Variants in GDA observed in about 807,000 individuals in gnomAD.
GDA encodes cytoplasmic PSD-95 interactor.
In GDA, 18 loss-of-function variants were observed where a neutral mutation model predicts 59.6. That is an observed-to-expected ratio of 0.30 (90% CI 0.21 to 0.45). The LOEUF is 0.45. GDA is among the 20% of genes least tolerant of loss of function. The pLI is 1.00. For missense variants in GDA, 427 were observed against 552.3 expected (o/e 0.77, Z 2.27); for synonymous variants, 201 against 201.1 (o/e 1.00, Z 0.00).
chr9:72,116,543 C>T (rs969692498), intron 1 of GDA, among the ~76,000 whole-genome samples: 1 of 151,836 alleles, frequency 6.6e-6, no homozygotes, highest in Non-Finnish European at 1.5e-5. Flanking sequence ...CCACCATGCC[C>T]AGCTAATTTT....
intron 1 of GDA, among the ~76,000 whole-genome samples, chr9:72,165,014 C>G (rs1166052845): frequency 1.3e-5 from 2 of 150,578 alleles, no homozygotes; most frequent in African/African-American, 4.9e-5. Flanking sequence ...AATGCTCTGG[C>G]TGTCCTCTGG....
chr9:72,167,486 T>C lies in GDA; in HGVS notation c.123+17804T>C, dbSNP rs1587442343. The stretch of plus-strand genomic sequence containing the variant: ...AGCATACATTTAAGAAATAAAGGAT[T>C]CCTTGAATTGTTATCAGTTGAAATG... On this transcript the variant is annotated intron_variant, in intron 1 of 13. Transcript: ENST00000358399. Among the ~76,000 whole-genome samples, 5 of 152,292 alleles carry C rather than the reference T, an allele frequency of 3.3e-5. 1 individual carries two copies. Among genetic ancestry groups the C allele is most frequent in the Admixed American group, 3.3e-4 (5 of 15,302 alleles).
intron 1 of GDA, among the ~76,000 whole-genome samples, chr9:72,181,872 A>G (rs1032446815): frequency 6.6e-6 from 1 of 152,118 alleles, no homozygotes; most frequent in Non-Finnish European, 1.5e-5. Flanking sequence ...AAAATTTTTT[A>G]TTTTTAATTC....
intron 1 of GDA, among the ~76,000 whole-genome samples, chr9:72,189,711 C>G (rs1832300513): frequency 6.6e-6 from 1 of 152,092 alleles, no homozygotes; most frequent in East Asian, 1.9e-4. Flanking sequence ...CGTGGTGGCA[C>G]ATACCTGTGG....
At chr9:72,246,295 C>G (rs1469300229) in intron 12 of GDA, among the ~76,000 whole-genome samples, 19 of 152,066 alleles carry the variant, frequency 1.2e-4, no homozygotes, top group Non-Finnish European at 2.6e-4. Flanking sequence ...TTACAGGCGC[C>G]CACCACCACA....
At chr9:72,155,643 A>G (rs766987993) in intron 1 of GDA, among the ~76,000 whole-genome samples, 19 of 152,136 alleles carry the variant, frequency 1.2e-4, no homozygotes, top group Non-Finnish European at 2.6e-4. Flanking sequence ...GGATGGTGGG[A>G]TTGTGTCATG....
chr9:72,257,598 C>G (rs1018957744), downstream of GDA: 2 of 152,218 alleles, frequency 1.3e-5, no homozygotes, highest in Non-Finnish European at 2.9e-5. Context: ...GACCCCAGAT[C>G]AGCCTCTGCT....
In GDA at chr9:72,231,130, C is replaced by T; in HGVS notation, c.937C>T (p.Leu313=). ...TCTCTACAGGCTCAGCAGTGGATTT[C>T]TAAATGTGCTAGAAGTCCTGAAACA... ...NSNLSLSSGF[L]NVLEVLKHEV... Residue 313 remains leucine, a synonymous_variant, in exon 10 of 14, where the codon CTA becomes TTA. Coordinates refer to ENST00000358399, the MANE Select transcript of GDA (RefSeq NM_004293.5). 1 of 1,591,878 alleles carries T rather than the reference C, an allele frequency of 6.3e-7. No homozygotes were observed. The highest frequency in any genetic ancestry group is 1.3e-5 in the African/African-American group (1 of 74,616).
intron 1 of GDA, among the ~76,000 whole-genome samples, chr9:72,161,204 G>A (rs1828594448): frequency 6.6e-6 from 1 of 152,062 alleles, no homozygotes; most frequent in African/African-American, 2.4e-5. Context: ...CACCGCCCCG[G>A]CCTGTGTCCT....
chr9:72,142,338 G>T (rs559159241), intron 1 of GDA, among the ~76,000 whole-genome samples: 4 of 152,198 alleles, frequency 2.6e-5, no homozygotes, highest in Admixed American at 2.0e-4. Context: ...GAAACTGGCC[G>T]GGTGCGGTAG....
intron 1 of GDA, among the ~76,000 whole-genome samples, chr9:72,152,612 C>T (rs1441968561): frequency 1.3e-5 from 2 of 152,050 alleles, no homozygotes; most frequent in Non-Finnish European, 2.9e-5. Flanking sequence ...CTGTTCATAT[C>T]CTTTGCCCAC....
intron 9 of GDA, 141 bp downstream of exon 9, chr9:72,228,181 C>G: frequency 1.6e-6 from 1 of 637,926 alleles, no homozygotes; most frequent in Admixed American, 2.3e-5. Context: ...TAGACATTTA[C>G]TCGTGCTGTT....
Position 72,250,738 on chromosome 9 carries a change from G to C in GDA, c.*2396G>C, listed in dbSNP as rs1251089523. The C allele has an allele frequency of 6.2e-7, 1 of 1,611,902 alleles. No individual in the cohort carries two copies. The highest frequency in any genetic ancestry group is 1.3e-5 in the African/African-American group (1 of 74,954). ...TTGTCACTTTTTGTTTTAATATCTT[G>C]CTCTCTGACAGGAAAGAAACAATTC... On this transcript the variant is annotated 3_prime_UTR_variant, in exon 14 of 14. Transcript: ENST00000358399.
At chr9:72,114,952 G>T (rs1028995889) in intron 1 of GDA, 3 of 152,212 alleles carry the variant, frequency 2.0e-5, no homozygotes, top group African/African-American at 7.2e-5. Context: ...TGTGTGCCTG[G>T]TACAGAGGTA....
At position 72,149,452 on chromosome 9, in the gene GDA, G is replaced by A. The variant is rs943154920; in HGVS notation, c.-108G>A. The A allele has an allele frequency of 5.1e-6, 7 of 1,360,442 alleles. No homozygotes were observed. The African/African-American group carries it at 9.0e-5, about 17-fold the overall frequency. 84.3% of individuals were successfully genotyped at this position (1,360,442 alleles called of 1,614,324 possible). A position where few individuals can be genotyped will look rare whatever the true frequency, so the allele number is the denominator to read the frequency against. ...GGTAAGCGGGGGCAGGACAAGGCCG[G>A]AGCCTGTGTCCGCCCGGCAGCCGCC... On this transcript the variant is annotated 5_prime_UTR_variant, in exon 1 of 14. Coordinates refer to ENST00000358399, the MANE Select transcript of GDA (RefSeq NM_004293.5).
Position 72,252,162 on chromosome 9 carries a change from A to G in GDA, c.*3820A>G, listed in dbSNP as rs1840748279. 1 of 152,554 alleles carries G rather than the reference A, an allele frequency of 6.6e-6. No individual in the cohort carries two copies. The highest frequency in any genetic ancestry group is 6.6e-5 in the Admixed American group (1 of 15,264). 9.5% of individuals were successfully genotyped at this position (152,554 alleles called of 1,614,324 possible). A position where few individuals can be genotyped will look rare whatever the true frequency, so the allele number is the denominator to read the frequency against. ...ATATTTGTATGATTCGCTTACTGTTATTGTGCTGAGTGAGCTCCTGTGTGC... is the reference window on the plus strand; with the variant it reads ...ATATTTGTATGATTCGCTTACTGTTGTTGTGCTGAGTGAGCTCCTGTGTGC... On this transcript the variant is annotated 3_prime_UTR_variant, in exon 14 of 14. Transcript: ENST00000358399.
intron 1 of GDA, among the ~76,000 whole-genome samples, chr9:72,126,130 C>G (rs1481040668): frequency 2.0e-5 from 3 of 152,054 alleles, no homozygotes; most frequent in African/African-American, 7.2e-5. Context: ...GTTGGCCAGG[C>G]TGGTCTCGAA....
chr9:72,238,040 C>G (rs1839212898), intron 10 of GDA, among the ~76,000 whole-genome samples: 1 of 152,120 alleles, frequency 6.6e-6, no homozygotes, highest in African/African-American at 2.4e-5. Context: ...TGCTCGTCAC[C>G]CTTCAATGCG....
intron 1 of GDA, among the ~76,000 whole-genome samples, chr9:72,124,663 C>T (rs985162356): frequency 4.6e-5 from 7 of 152,088 alleles, no homozygotes; most frequent in African/African-American, 1.7e-4. Flanking sequence ...ACTAAATAAG[C>T]TCCTTGAAGG....
Sources: allele counts gnomAD v4.1 joint callset (sites outside exome capture counted in the v4.1 genomes callset), GRCh38; gene constraint gnomAD v4.1.1; transcripts MANE v1.5; gene names NCBI Gene and HGNC (gene_info 2026-07-23, HGNC 2026-07-21).